SNTG1: variants seen among roughly 807,000 people sequenced by gnomAD.
SNTG1 encodes syntrophin gamma 1.
A neutral mutation model predicts 74.7 loss-of-function variants in SNTG1; 39 were observed. The ratio of observed to expected loss-of-function variants is 0.52; its 90% confidence interval spans 0.40 to 0.68. SNTG1 has a LOEUF of 0.68. Among genes scored for constraint, SNTG1 ranks in the 30% least tolerant of loss-of-function variants. SNTG1 has a pLI of 0.00. For missense variants in SNTG1, 685 were observed against 609.5 expected (o/e 1.12, Z -1.30); for synonymous variants, 254 against 217.1 (o/e 1.17, Z -1.49).
At chr8:50,625,329 T>C (rs1038245672) in intron 13 of SNTG1, among the ~76,000 whole-genome samples, 1 of 152,060 alleles carries the variant, frequency 6.6e-6, no homozygotes, top group Non-Finnish European at 1.5e-5. Flanking sequence ...ATACAAGAGG[T>C]TTCCCACTTC....
intron 17 of SNTG1, among the ~76,000 whole-genome samples, chr8:50,720,868 T>A (rs139929020): frequency 3.7e-3 from 564 of 152,344 alleles, no homozygotes; most frequent in Non-Finnish European, 4.7e-3. Context: ...TTGTTGTTTT[T>A]GTTTTTTACC....
Position 50,522,230 on chromosome 8 carries a change from A to T in SNTG1, c.467-7947A>T, listed in dbSNP as rs184530680. Reference sequence around the variant, plus strand: ...AACTACATTAATCTTTTTCATCTTCATCAGTAGTCTTGGGTGTCCAGGAAC... The same window carrying T: ...AACTACATTAATCTTTTTCATCTTCTTCAGTAGTCTTGGGTGTCCAGGAAC... On this transcript the variant is annotated intron_variant, in intron 9 of 18. Coordinates refer to ENST00000642720, the MANE Select transcript of SNTG1 (RefSeq NM_018967.5). Among the ~76,000 whole-genome samples, 73 of 152,172 alleles carry T rather than the reference A, an allele frequency of 4.8e-4. 1 individual carries two copies. The East Asian group carries it at 0.013, about 27-fold the overall frequency.
intron 9 of SNTG1, among the ~76,000 whole-genome samples, chr8:50,510,858 A>G (rs2094065180): frequency 6.6e-6 from 1 of 152,108 alleles, no homozygotes; most frequent in Non-Finnish European, 1.5e-5. Context: ...GATATTTTCA[A>G]AAAACCAGCT....
At chr8:50,588,436 TG>T (rs1221964311) in intron 12 of SNTG1, among the ~76,000 whole-genome samples, 1 of 152,166 alleles carries the variant, frequency 6.6e-6, no homozygotes, top group Non-Finnish European at 1.5e-5. Flanking sequence ...CTCCCCATTT[TG>T]GTTACCCGCC....
chr8:50,374,659 C>A (rs2092338990), intron 2 of SNTG1, among the ~76,000 whole-genome samples: 1 of 152,132 alleles, frequency 6.6e-6, no homozygotes, highest in Non-Finnish European at 1.5e-5. Context: ...GCCTAATTTT[C>A]ACTGGAAAAT....
chr8:50,704,525 G>T, intron 15 of SNTG1, 75 bp from the exon 16 acceptor site: 1 of 1,587,568 alleles, frequency 6.3e-7, no homozygotes, highest in Non-Finnish European at 8.6e-7. Flanking sequence ...TCTGCACCTT[G>T]GTCCAGTCAG....
chr8:50,257,281 A>C (rs1405210196), intron 2 of SNTG1, among the ~76,000 whole-genome samples: 1 of 152,184 alleles, frequency 6.6e-6, no homozygotes, highest in Non-Finnish European at 1.5e-5. Context: ...GCCCACTTAT[A>C]GGGTGTAGTT....
At chr8:50,514,363 T>G (rs1175342511) in intron 9 of SNTG1, among the ~76,000 whole-genome samples, 1 of 152,204 alleles carries the variant, frequency 6.6e-6, no homozygotes, top group Non-Finnish European at 1.5e-5. Flanking sequence ...TGTTTACTGA[T>G]AAAATTTTCT....
At chr8:50,772,113 G>A (rs2095628691) in intron 18 of SNTG1, among the ~76,000 whole-genome samples, 1 of 152,032 alleles carries the variant, frequency 6.6e-6, no homozygotes, top group African/African-American at 2.4e-5. Context: ...GCCTAGGTGA[G>A]CTACTGGGGC....
intron 15 of SNTG1, among the ~76,000 whole-genome samples, chr8:50,678,919 T>C (rs2095320269): frequency 6.6e-6 from 1 of 152,134 alleles, no homozygotes; most frequent in South Asian, 2.1e-4. Flanking sequence ...AAGATATAGA[T>C]AAATAAACAC....
chr8:50,193,398 T>C (rs1050835967), intron 2 of SNTG1, among the ~76,000 whole-genome samples: 17 of 152,010 alleles, frequency 1.1e-4, no homozygotes, highest in African/African-American at 3.9e-4. Flanking sequence ...GTTTTTTTGT[T>C]TTCTTATTTG....
chr8:50,070,502 A>G (rs1821274273), intron 1 of SNTG1, among the ~76,000 whole-genome samples: 1 of 152,192 alleles, frequency 6.6e-6, no homozygotes, highest in Non-Finnish European at 1.5e-5. Flanking sequence ...AGATGACATA[A>G]ATACCCATGC....
intron 18 of SNTG1, among the ~76,000 whole-genome samples, chr8:50,766,436 T>C (rs2095614148): frequency 6.6e-6 from 1 of 152,036 alleles, no homozygotes; most frequent in South Asian, 2.1e-4. Flanking sequence ...CATTTTCACT[T>C]AATTTTATAT....
At chr8:50,360,650 C>A (rs566287449) in intron 2 of SNTG1, among the ~76,000 whole-genome samples, 43 of 152,218 alleles carry the variant, frequency 2.8e-4, no homozygotes, top group Non-Finnish European at 4.6e-4. Context: ...AGGCTACATG[C>A]CTCCACAGCA....
chr8:49,967,194 T>C (rs945513792), intron 1 of SNTG1, among the ~76,000 whole-genome samples: 16 of 152,176 alleles, frequency 1.1e-4, no homozygotes, highest in Non-Finnish European at 2.9e-5. Context: ...ATGTACAGTA[T>C]AGGTTATTTC....
At chr8:50,463,161 T>C (rs1189681726) in intron 8 of SNTG1, among the ~76,000 whole-genome samples, 5 of 152,200 alleles carry the variant, frequency 3.3e-5, no homozygotes, top group Non-Finnish European at 7.3e-5. Context: ...CCACTGTTTG[T>C]TGTTGTTTCC....
intron 4 of SNTG1, among the ~76,000 whole-genome samples, chr8:50,412,032 G>A (rs13282203): frequency 0.18 from 26,744 of 152,048 alleles, 2,617 homozygotes; most frequent in Middle Eastern, 0.26. Context: ...AAACGTAGAA[G>A]CAAATGAATG....
intron 2 of SNTG1, among the ~76,000 whole-genome samples, chr8:50,228,466 T>A (rs2085454469): frequency 6.6e-6 from 1 of 152,002 alleles, no homozygotes; most frequent in African/African-American, 2.4e-5. Context: ...AAATTACCTA[T>A]CTATTCCTAG....
In SNTG1 at chr8:49,938,544, C is replaced by CTTCTTTTCTT. The variant is rs1554524744; in HGVS notation, c.-103+26316_-103+26325dup. On this transcript the variant is annotated intron_variant, in intron 1 of 18. Transcript: ENST00000642720. ...TTTGTCCCTCCCTATCTTACCATGC[C>CTTCTTTTCTT]TTCTTTTCTTTTGTTTTCTTTTCTT... Among the ~76,000 whole-genome samples, 3 of 105,086 alleles carry CTTCTTTTCTT rather than the reference C, an allele frequency of 2.9e-5. 1 individual carries two copies. Among genetic ancestry groups the CTTCTTTTCTT allele is most frequent in the Admixed American group, 1.9e-4 (2 of 10,466 alleles). The allele number at this position is 105,086 out of a possible 152,430, so 68.9% of individuals were successfully genotyped here. A position where few individuals can be genotyped will look rare whatever the true frequency, so the allele number is the denominator to read the frequency against.
Sources: gnomAD v4.1 joint callset for allele counts (sites outside exome capture counted in the v4.1 genomes callset) on GRCh38, gnomAD v4.1.1 for gene constraint, MANE v1.5 for transcripts, NCBI Gene and HGNC (gene_info 2026-07-23, HGNC 2026-07-21) for gene names.